PPHLN1: variants seen among roughly 807,000 people sequenced by gnomAD.
PPHLN1 encodes periphilin 1.
PPHLN1 carries 29 observed loss-of-function variants against 51.3 expected under a neutral mutation model. That is an observed-to-expected ratio of 0.57 (90% confidence interval 0.42 to 0.77). The LOEUF (loss-of-function observed/expected upper bound fraction) is 0.77, where lower values mean the gene tolerates loss of function less well. PPHLN1 is among the 30% of genes least tolerant of loss of function. PPHLN1 has a pLI of 0.00. For missense variants in PPHLN1, 436 were observed against 438.4 expected (o/e 0.99, Z 0.05); for synonymous variants, 147 against 147.8 (o/e 0.99, Z 0.04).
At chr12:42,433,340 A>G in intron 9 of PPHLN1, 1 of 546,074 alleles carries the variant, frequency 1.8e-6, no homozygotes, top group Non-Finnish European at 3.5e-6. Context: ...TATTTTCAAA[A>G]GCAACTGTAA....
Position 42,363,324 on chromosome 12 carries a change from ATTAAT to A in PPHLN1, c.299+8107_299+8111del, listed in dbSNP as rs1047980161. Among the ~76,000 whole-genome samples, 123 of 126,208 alleles carry A rather than the reference ATTAAT, an allele frequency of 9.7e-4. 1 individual carries two copies. Among genetic ancestry groups the A allele is most frequent in the African/African-American group, 2.5e-3 (98 of 39,658 alleles). The allele number at this position is 126,208 out of a possible 152,430, so 82.8% of individuals were successfully genotyped here. A position where few individuals can be genotyped will look rare whatever the true frequency, so the allele number is the denominator to read the frequency against. On this transcript the variant is annotated intron_variant, in intron 4 of 9. Transcript: ENST00000358314. Reference sequence around the variant, plus strand: ...CCAGCACCTTTTTTAAAATTAATTAATTAATTTAAAAAAAAATTTTTTTTGTAGTT... The same window carrying A: ...CCAGCACCTTTTTTAAAATTAATTAATTAAAAAAAAATTTTTTTTGTAGTT...
intron 1 of PPHLN1, among the ~76,000 whole-genome samples, chr12:42,328,857 GT>G (rs899167123): frequency 3.2e-4 from 49 of 152,026 alleles, no homozygotes; most frequent in African/African-American, 1.2e-3. Flanking sequence ...TTACAGGCAT[GT>G]CCCACCATGC....
intron 9 of PPHLN1, among the ~76,000 whole-genome samples, chr12:42,401,690 G>A (rs1351388114): frequency 6.6e-6 from 1 of 152,066 alleles, no homozygotes; most frequent in African/African-American, 2.4e-5. Flanking sequence ...CCTCAAAACT[G>A]GTCCCTGTTG....
rs35335129 is a variant in PPHLN1, at chr12:42,344,708, ATTT to A, written c.73-7161_73-7159del. Among the ~76,000 whole-genome samples the A allele has an allele frequency of 4.9e-3, 658 of 134,048 alleles. 6 individuals are homozygous for A. The highest frequency in any genetic ancestry group is 0.017 in the African/African-American group (631 of 36,186). 87.9% of individuals were successfully genotyped at this position (134,048 alleles called of 152,430 possible). A position where few individuals can be genotyped will look rare whatever the true frequency, so the allele number is the denominator to read the frequency against. On this transcript the variant is annotated intron_variant, in intron 2 of 9. Coordinates refer to ENST00000358314, the MANE Select transcript of PPHLN1 (RefSeq NM_201439.2). ...CTTATGAGATTTAACAACAGTGTGG[ATTT>A]TTTTTTTTTTTTTTTGAGACAGAGT... is the stretch of plus-strand genomic sequence containing the variant.
Position 42,427,661 on chromosome 12 carries a change from A to C in PPHLN1, c.910-13654A>C, listed in dbSNP as rs181910138. On this transcript the variant is annotated intron_variant, in intron 9 of 9. Transcript: ENST00000358314. ...GACCTGAAACTATAAAAATTGTAGA[A>C]GACAACTTAGGAAAAACCCTTCTAG... 1.1e-3 allele frequency among the ~76,000 whole-genome samples: 162 copies of C among 152,362 alleles called. 2 individuals are homozygous for C. The highest frequency in any genetic ancestry group is 1.5e-3 in the Non-Finnish European group (101 of 68,036).
chr12:42,406,563 C>T (rs1308048521), intron 9 of PPHLN1, among the ~76,000 whole-genome samples: 3 of 152,142 alleles, frequency 2.0e-5, no homozygotes, highest in Non-Finnish European at 4.4e-5. Context: ...GTTATTGGCA[C>T]ATGAATATCC....
intron 9 of PPHLN1, among the ~76,000 whole-genome samples, chr12:42,413,520 ATGTATATGTGTG>A (rs1287447227): frequency 1.6e-5 from 2 of 128,126 alleles, no homozygotes; most frequent in Non-Finnish European, 3.4e-5. Context: ...AACTATATAT[ATGTATATGTGTG>A]TGTGTGTGTG....
At chr12:42,442,363 A>G (rs184290158), downstream of PPHLN1, among the ~76,000 whole-genome samples, 18 of 152,324 alleles carry the variant, frequency 1.2e-4, no homozygotes, top group Admixed American at 1.2e-3. Context: ...TAGTGTAAAG[A>G]AATTTATCTA....
At chr12:42,402,119 G>A (rs753237234) in intron 9 of PPHLN1, among the ~76,000 whole-genome samples, 13 of 152,094 alleles carry the variant, frequency 8.5e-5, no homozygotes, top group Non-Finnish European at 1.5e-4. Context: ...TATTACAGGC[G>A]TAAGCCACCG....
chr12:42,397,456 T>G (rs538917475), intron 8 of PPHLN1, among the ~76,000 whole-genome samples: 94 of 152,046 alleles, frequency 6.2e-4, no homozygotes, highest in African/African-American at 2.0e-3. Flanking sequence ...TAACTGTCAG[T>G]TTTTTTTCCC....
chr12:42,444,835 C>T, downstream of PPHLN1: 1 of 557,426 alleles, frequency 1.8e-6, no homozygotes, highest in Admixed American at 3.3e-5. Context: ...GTTTCCTCCC[C>T]CATACCTAAC....
downstream of PPHLN1, chr12:42,443,506 G>C (rs1176834877): frequency 3.3e-5 from 5 of 152,200 alleles, no homozygotes; most frequent in African/African-American, 1.2e-4. Flanking sequence ...AGGCCAGTCA[G>C]TACCTCCCCT....
chr12:42,425,459 C>T (rs1271719099), intron 9 of PPHLN1, among the ~76,000 whole-genome samples: 5 of 151,284 alleles, frequency 3.3e-5, no homozygotes, highest in African/African-American at 7.3e-5. Context: ...CTATCTCAGC[C>T]CACTGCAACC....
At chr12:42,434,741 T>C (rs1359126860) in intron 9 of PPHLN1, among the ~76,000 whole-genome samples, 1 of 152,248 alleles carries the variant, frequency 6.6e-6, no homozygotes, top group African/African-American at 2.4e-5. Flanking sequence ...TCTCCTGGGC[T>C]GGAGTGCAAC....
At chr12:42,427,347 C>G (rs1356527268) in intron 9 of PPHLN1, among the ~76,000 whole-genome samples, 1 of 152,156 alleles carries the variant, frequency 6.6e-6, no homozygotes, top group Non-Finnish European at 1.5e-5. Context: ...CTGGAGGCAT[C>G]ACATTACCTG....
In PPHLN1 at chr12:42,367,569, C is replaced by G. The variant is rs191454644; in HGVS notation, c.300-7294C>G. Among the ~76,000 whole-genome samples, 235 of 152,074 alleles carry G rather than the reference C, an allele frequency of 1.5e-3. 2 individuals are homozygous for G. The highest frequency in any genetic ancestry group is 5.0e-3 in the African/African-American group (206 of 41,496). On this transcript the variant is annotated intron_variant, in intron 4 of 9. Coordinates refer to ENST00000358314, the MANE Select transcript of PPHLN1 (RefSeq NM_201439.2). ...TCATTTGCCTATTTAATAGAGAAAA[C>G]TTATTTTAACTTTGTTATCTTAAAT...
intron 9 of PPHLN1, among the ~76,000 whole-genome samples, chr12:42,408,900 A>G (rs1253125184): frequency 1.3e-5 from 2 of 152,176 alleles, no homozygotes; most frequent in Non-Finnish European, 2.9e-5. Flanking sequence ...TCTCCCACTT[A>G]ACTGGGTTCT....
intron 7 of PPHLN1, among the ~76,000 whole-genome samples, chr12:42,392,866 A>G (rs541150696): frequency 4.7e-4 from 71 of 152,318 alleles, no homozygotes; most frequent in Middle Eastern, 3.4e-3. Flanking sequence ...ACCTCCTTCA[A>G]TTCTCACAAC....
chr12:42,363,189 G>A (rs1791231530), intron 4 of PPHLN1, among the ~76,000 whole-genome samples: 1 of 152,118 alleles, frequency 6.6e-6, no homozygotes, highest in South Asian at 2.1e-4. Context: ...TAACCTTGTA[G>A]GTAAGGCAAA....
Sources: allele counts gnomAD v4.1 joint callset (sites outside exome capture counted in the v4.1 genomes callset), GRCh38; gene constraint gnomAD v4.1.1; transcripts MANE v1.5; gene names NCBI Gene and HGNC (gene_info 2026-07-23, HGNC 2026-07-21).